ZNF320: variants seen among roughly 807,000 people sequenced by gnomAD.
ZNF320 encodes the protein zinc finger gene 320.
ZNF320 carries 2 observed loss-of-function variants against 6.8 expected under a neutral mutation model. The observed-to-expected ratio is 0.29, with a 90% confidence interval of 0.12 to 0.93. The LOEUF (loss-of-function observed/expected upper bound fraction) is 0.93. ZNF320 is among the 40% of genes least tolerant of loss of function. The probability of loss-of-function intolerance (pLI) is 0.55; values close to 1 mark genes in which losing one functional copy is unlikely to be tolerated. For missense variants in ZNF320, 472 were observed against 611.0 expected (o/e 0.77, Z 2.40); for synonymous variants, 208 against 203.2 (o/e 1.02, Z -0.20).
chr19:52,887,178 G>A (rs1682643104), intron 5 of ZNF320, among the ~76,000 whole-genome samples: 1 of 152,062 alleles, frequency 6.6e-6, no homozygotes, highest in South Asian at 2.1e-4. Context: ...TGAAGGTGGA[G>A]CTTCCACTCT....
chr19:52,862,353 G>A (rs962445992), exon 6 of ZNF320: 1 of 518,274 alleles, frequency 1.9e-6, no homozygotes, highest in Admixed American at 2.1e-5. Context: ...ACATTTGTAT[G>A]GTTTCTCTCC....
intron 5 of ZNF320, among the ~76,000 whole-genome samples, chr19:52,885,813 G>A (rs1039259852): frequency 1.4e-4 from 21 of 152,190 alleles, no homozygotes; most frequent in Admixed American, 5.2e-4. Context: ...GGCTGAGGCA[G>A]GAGAATTGGT....
chr19:52,878,241 CTTTTTTTTTTTT>C lies in ZNF320; in HGVS notation c.*2343_*2354del, dbSNP rs59001698. 31 of 98,880 alleles carry C rather than the reference CTTTTTTTTTTTT, an allele frequency of 3.1e-4. No homozygotes were observed. The highest frequency in any genetic ancestry group is 7.0e-4 in the African/African-American group (16 of 22,864). 6.1% of individuals were successfully genotyped at this position (98,880 alleles called of 1,614,324 possible). On this transcript the variant is annotated 3_prime_UTR_variant, in exon 6 of 6. Transcript: ENST00000682928. ...TGCCTGCCACTCTGTGCATCACTTT[CTTTTTTTTTTTT>C]TTTTTTTTTTTTTTGAGATGGAGTC...
chr19:52,862,891 G>A, exon 6 of ZNF320: 1 of 287,886 alleles, frequency 3.5e-6, no homozygotes, highest in Non-Finnish European at 7.0e-6. Flanking sequence ...CAAATTAGCT[G>A]GGTATGGTGG....
intron 5 of ZNF320, among the ~76,000 whole-genome samples, chr19:52,883,174 T>TG (rs2063975163): frequency 6.6e-6 from 1 of 152,042 alleles, no homozygotes. Context: ...CCCGAGCACC[T>TG]GGGATTACAG....
Position 52,894,639 on chromosome 19 carries a change from C to T in ZNF320, c.-269-783G>A, listed in dbSNP as rs532618430. Among the ~76,000 whole-genome samples, 100 of 152,020 alleles carry T rather than the reference C, an allele frequency of 6.6e-4. 1 individual carries two copies. The South Asian group carries it at 0.012, about 19-fold the overall frequency. On this transcript the variant is annotated intron_variant, in intron 1 of 5. Transcript: ENST00000682928. ...CTGTAATCCTAGCACTTTGGGAGGCCGAGGCAGGTGGATCACGAGCTCAGG... is the reference window on the plus strand; with the variant it reads ...CTGTAATCCTAGCACTTTGGGAGGCTGAGGCAGGTGGATCACGAGCTCAGG...
chr19:52,868,056 T>C (rs2063609972), intron 5 of ZNF320, among the ~76,000 whole-genome samples: 1 of 151,428 alleles, frequency 6.6e-6, no homozygotes, highest in Non-Finnish European at 1.5e-5. Flanking sequence ...GTCTACGCCG[T>C]TTCTGACAGG....
upstream of ZNF320, among the ~76,000 whole-genome samples, chr19:52,901,366 C>A (rs1243809895): frequency 6.6e-6 from 1 of 152,112 alleles, no homozygotes; most frequent in East Asian, 1.9e-4. Flanking sequence ...GAAAATGAGT[C>A]CTGCGATGAG....
In ZNF320 at chr19:52,881,335, T is replaced by A; in HGVS notation, c.791A>T (p.His264Leu). 1 of 1,614,030 alleles carries A rather than the reference T, an allele frequency of 6.2e-7. No individual in the cohort carries two copies. The highest frequency in any genetic ancestry group is 1.7e-5 in the Admixed American group (1 of 59,994). The change falls in exon 6 of 6, where the codon CAT (histidine) becomes CTT (leucine). Residue 264 changes from histidine (H) to leucine (L), a missense_variant. Physicochemically the swap from His to Leu is moderately conservative, Grantham distance 99. This residue lies in a region of ZNF320 where 462 missense variants were observed against 559.7 expected (regional missense o/e 0.83). Coordinates refer to ENST00000682928, the MANE Select transcript of ZNF320 (RefSeq NM_001351774.2). ...AGGTTTCTCTCCAGTATGCAGTCTA[T>A]GATGGTACACAAGGTGTGATGTCTG... is the stretch of plus-strand genomic sequence containing the variant. ...FSQTSHLVYH[H>L]RLHTGEKPYK...
downstream of ZNF320, among the ~76,000 whole-genome samples, chr19:52,871,228 G>C (rs887255315): frequency 1.3e-5 from 2 of 152,110 alleles, no homozygotes; most frequent in Non-Finnish European, 2.9e-5. Context: ...GCTAAAGTGG[G>C]GATTGATTGA....
chr19:52,860,201 T>C (rs565620497), downstream of ZNF320, among the ~76,000 whole-genome samples: 14 of 152,272 alleles, frequency 9.2e-5, no homozygotes, highest in Middle Eastern at 3.4e-3. Context: ...CGTGAGCCAC[T>C]GCACCTGGCC....
At chr19:52,872,153 C>A (rs752346190), downstream of ZNF320, among the ~76,000 whole-genome samples, 3 of 152,100 alleles carry the variant, frequency 2.0e-5, no homozygotes, top group Non-Finnish European at 2.9e-5. Flanking sequence ...CCATTGCACT[C>A]CAGAAAGGGC....
intron 5 of ZNF320, among the ~76,000 whole-genome samples, chr19:52,868,378 T>G (rs1188827656): frequency 6.6e-6 from 1 of 151,920 alleles, no homozygotes; most frequent in Non-Finnish European, 1.5e-5. Context: ...TGGTGGTACA[T>G]GCCTGTAATC....
At chr19:52,868,504 CA>C (rs879448381) in intron 5 of ZNF320, among the ~76,000 whole-genome samples, 3,579 of 127,064 alleles carry the variant, frequency 0.028, 83 homozygotes, top group African/African-American at 0.077. Context: ...GAAACTCTGT[CA>C]AAAAAAAAAA....
upstream of ZNF320, among the ~76,000 whole-genome samples, chr19:52,899,638 T>G (rs139422168): frequency 0.022 from 3,309 of 152,156 alleles, 114 homozygotes; most frequent in African/African-American, 0.076. Flanking sequence ...ATTTTTTGTA[T>G]TTTTAGTAGA....
the ZNF320 span, among the ~76,000 whole-genome samples, chr19:52,903,704 GT>G: frequency 4.0e-5 from 6 of 149,712 alleles, no homozygotes; most frequent in Non-Finnish European, 8.9e-5. Context: ...CCTGAACTAT[GT>G]TTTTTTTTTC....
intron 2 of ZNF320, among the ~76,000 whole-genome samples, chr19:52,893,150 A>G (rs769545945): frequency 4.0e-5 from 6 of 151,722 alleles, no homozygotes; most frequent in Non-Finnish European, 5.9e-5. Flanking sequence ...GGCCCACACA[A>G]TCACAGGAGG....
chr19:52,863,959 A>G (rs575293393), exon 6 of ZNF320: 1 of 428,380 alleles, frequency 2.3e-6, no homozygotes, highest in Non-Finnish European at 4.4e-6. Flanking sequence ...AAATCACAAA[A>G]GAGAATACAA....
upstream of ZNF320, among the ~76,000 whole-genome samples, chr19:52,899,622 C>A (rs888833239): frequency 6.6e-6 from 1 of 152,060 alleles, no homozygotes. Context: ...CCACCGCACC[C>A]GGCTAATTTT....
Sources: allele counts gnomAD v4.1 joint callset (sites outside exome capture counted in the v4.1 genomes callset), GRCh38; gene constraint gnomAD v4.1.1; regional missense constraint gnomAD v4.1.1; transcripts MANE v1.5; gene names NCBI Gene and HGNC (gene_info 2026-07-23, HGNC 2026-07-21).